ZNF280C: variants seen among roughly 807,000 people sequenced by gnomAD.
ZNF280C encodes the protein zinc finger protein 280C.
Under a neutral mutation model 53.6 loss-of-function variants are expected in ZNF280C, and 14 were observed. That is an observed-to-expected ratio of 0.26 (90% CI 0.17 to 0.41). The LOEUF (loss-of-function observed/expected upper bound fraction) is 0.41. ZNF280C is among the 10% of genes least tolerant of loss of function. ZNF280C has a pLI of 1.00. For synonymous variants in ZNF280C, 203 were observed against 181.1 expected (o/e 1.12, Z -0.97); for missense variants, 416 against 547.1 (o/e 0.76, Z 2.39).
At chrX:130,206,442 C>T (rs1169436201) in intron 16 of ZNF280C, among the ~76,000 whole-genome samples, 1 of 102,111 alleles carries the variant, frequency 9.8e-6, no homozygotes, top group Non-Finnish European at 2.0e-5. Context: ...TCTTGGCTCA[C>T]TGCAAGCTCC....
intron 2 of ZNF280C, among the ~76,000 whole-genome samples, chrX:130,259,703 T>C (rs1326717115): frequency 8.9e-6 from 1 of 112,588 alleles, no homozygotes; most frequent in Admixed American, 9.4e-5. Flanking sequence ...TTAATAAATA[T>C]TTGTTTTGGC....
chrX:130,220,504 T>C (rs1490105033), intron 12 of ZNF280C, 24 bp from the exon 13 acceptor site: 1 of 1,164,606 alleles, frequency 8.6e-7, no homozygotes, highest in East Asian at 3.0e-5. Flanking sequence ...ATATTAGATA[T>C]AATAACTTCC....
Position 130,204,980 on chromosome X carries a change from T to C in ZNF280C, c.2211A>G (p.Lys737=). ...TSEPTTGCSL[K] ...ATGAACTCCATGGAGCAGGAATCTA[T>C]TTCAATGAGCAGCTTTAAGAAAAAA... The change falls in exon 19 of 19, where the codon AAA becomes AAG. Residue 737 remains lysine, a synonymous_variant. Transcript: ENST00000370978. The C allele has an allele frequency of 9.2e-7, 1 of 1,085,262 alleles. No individual in the cohort carries two copies. The highest frequency in any genetic ancestry group is 1.2e-6 in the Non-Finnish European group (1 of 834,184). The allele number at this position is 1,085,262 out of a possible 1,213,427, so 89.4% of individuals were successfully genotyped here.
At chrX:130,227,973 G>A (rs946093816) in intron 10 of ZNF280C, among the ~76,000 whole-genome samples, 191 bp from the exon 11 acceptor site, 1 of 111,804 alleles carries the variant, frequency 8.9e-6, no homozygotes, top group Non-Finnish European at 1.9e-5. Context: ...ACATCACTGA[G>A]GAAGGTACTG....
chrX:130,215,450 G>T, intron 14 of ZNF280C, 117 bp from the exon 15 acceptor site: 1 of 730,703 alleles, frequency 1.4e-6, no homozygotes, highest in Non-Finnish European at 1.9e-6. Flanking sequence ...TCTTTAAGTA[G>T]ACTCATAATT....
At chrX:130,218,581 T>A (rs2032129382) in intron 13 of ZNF280C, among the ~76,000 whole-genome samples, 1 of 112,475 alleles carries the variant, frequency 8.9e-6, no homozygotes, top group African/African-American at 3.2e-5. Flanking sequence ...ATGAAATATA[T>A]GTGGTATAGA....
At position 130,264,024 on chromosome X, in the gene ZNF280C, CA is replaced by C. The variant is rs538734296; in HGVS notation, c.-16-3560del. ...TGGGAGACAGAGTGAGACACCATCT[CA>C]AAAAAAAAAAAAAAAAGAAAAGAAA... On this transcript the variant is annotated intron_variant, in intron 1 of 18. Coordinates refer to ENST00000370978, the MANE Select transcript of ZNF280C (RefSeq NM_017666.5). 6.2e-3 allele frequency among the ~76,000 whole-genome samples: 150 copies of C among 24,028 alleles called. 1 individual carries two copies. The highest frequency in any genetic ancestry group is 0.02 in the Middle Eastern group (1 of 50). The allele number at this position is 24,028 out of a possible 115,157, so 20.9% of individuals were successfully genotyped here.
chrX:130,238,573 C>T (rs1306003354), intron 6 of ZNF280C, among the ~76,000 whole-genome samples: 1 of 111,088 alleles, frequency 9.0e-6, no homozygotes, highest in African/African-American at 3.3e-5. Context: ...GAGTAGGAGT[C>T]ACTGTCTTTA....
At chrX:130,256,619 G>A (rs747919345) in intron 2 of ZNF280C, among the ~76,000 whole-genome samples, 7 of 110,228 alleles carry the variant, frequency 6.4e-5, no homozygotes, top group Admixed American at 2.9e-4. Flanking sequence ...GTGGGGGGGC[G>A]CGGTAGCTCA....
At chrX:130,238,052 T>TAC (rs1250265461) in intron 6 of ZNF280C, among the ~76,000 whole-genome samples, 2 of 111,524 alleles carry the variant, frequency 1.8e-5, no homozygotes, top group Non-Finnish European at 3.8e-5. Context: ...CGGTGTTCCC[T>TAC]ACCTCAACTC....
chrX:130,205,657 T>C (rs1203122073), intron 16 of ZNF280C, among the ~76,000 whole-genome samples: 1 of 109,902 alleles, frequency 9.1e-6, no homozygotes, highest in African/African-American at 3.3e-5. Flanking sequence ...GGTGGATGGA[T>C]CACCTGGGGT....
At chrX:130,214,287 T>C (rs1018503974) in intron 15 of ZNF280C, among the ~76,000 whole-genome samples, 1 of 111,699 alleles carries the variant, frequency 9.0e-6, no homozygotes, top group Non-Finnish European at 1.9e-5. Flanking sequence ...GAGTAGACCA[T>C]AGGTGCTCAA....
chrX:130,265,846 G>A (rs942786308), intron 1 of ZNF280C, among the ~76,000 whole-genome samples: 17 of 112,282 alleles, frequency 1.5e-4, no homozygotes, highest in African/African-American at 2.3e-4. Context: ...AAGTCATACC[G>A]TTAAGTTGAT....
chrX:130,262,540 G>T (rs1446502254), intron 1 of ZNF280C, among the ~76,000 whole-genome samples: 1 of 112,245 alleles, frequency 8.9e-6, no homozygotes, highest in Non-Finnish European at 1.9e-5. Flanking sequence ...GGAAGGAATT[G>T]TATGGGGGAT....
intron 15 of ZNF280C, among the ~76,000 whole-genome samples, chrX:130,214,720 T>C (rs919907892): frequency 1.8e-5 from 2 of 112,084 alleles, no homozygotes; most frequent in African/African-American, 6.5e-5. Flanking sequence ...TGCTATTACA[T>C]AGTTTTATAC....
chrX:130,262,761 A>G (rs965449344), intron 1 of ZNF280C, among the ~76,000 whole-genome samples: 10 of 111,519 alleles, frequency 9.0e-5, no homozygotes, highest in Admixed American at 7.6e-4. Context: ...CTTCTGAGGG[A>G]AAAAAAATGA....
Position 130,215,962 on chromosome X carries a change from T to G in ZNF280C, c.1667A>C (p.Asn556Thr), listed in dbSNP as rs1199341389. 1 of 1,209,328 alleles carries G rather than the reference T, an allele frequency of 8.3e-7. No individual in the cohort carries two copies. Among genetic ancestry groups the G allele is most frequent in the Non-Finnish European group, 1.1e-6 (1 of 894,870 alleles). The change falls in exon 14 of 19, where the codon AAT (asparagine) becomes ACT (threonine). Residue 556 changes from asparagine (N) to threonine (T), a missense_variant. By Grantham distance (65) the Asn-to-Thr change is moderately conservative. Coordinates refer to ENST00000370978, the MANE Select transcript of ZNF280C (RefSeq NM_017666.5). ...CTTACTTGTCTTAGATCTACTGGCA[T>G]TAGATTTTCTAGGATTTCTAGCAGT... ...NTTARNPRKS[N>T]ASRSKTSKLH...
intron 2 of ZNF280C, among the ~76,000 whole-genome samples, chrX:130,252,218 T>G (rs1425441311): frequency 8.9e-6 from 1 of 112,260 alleles, no homozygotes; most frequent in Non-Finnish European, 1.9e-5. Flanking sequence ...CTCAACAAAA[T>G]ATTGGCAAAC....
intron 2 of ZNF280C, among the ~76,000 whole-genome samples, chrX:130,258,213 T>C (rs1268714013): frequency 8.9e-6 from 1 of 112,312 alleles, no homozygotes; most frequent in African/African-American, 3.2e-5. Flanking sequence ...TAAGAATAAA[T>C]AAAAACAAAA....
Sources: allele counts gnomAD v4.1 joint callset (sites outside exome capture counted in the v4.1 genomes callset), GRCh38; gene constraint gnomAD v4.1.1; transcripts MANE v1.5; gene names NCBI Gene and HGNC (gene_info 2026-07-23, HGNC 2026-07-21).